The following FABP7 variants were observed in gnomAD, a reference collection of about 807,000 sequenced individuals.
FABP7 encodes the protein fatty acid binding protein 7.
In FABP7, 13 loss-of-function variants were observed where a neutral mutation model predicts 14.2. The observed-to-expected ratio is 0.91, with a 90% CI of 0.59 to 1.45. FABP7 has a LOEUF of 1.45. Ranked by LOEUF, FABP7 falls within the 40% of genes most tolerant of loss-of-function variation. The pLI is 0.00. For synonymous variants in FABP7, 49 were observed against 51.4 expected (o/e 0.95, Z 0.20); for missense variants, 149 against 157.6 (o/e 0.95, Z 0.29).
chr6:122,767,682 G>A, the FABP7 span, among the ~76,000 whole-genome samples: 13 of 151,298 alleles, frequency 8.6e-5, no homozygotes, highest in African/African-American at 3.2e-4. Context: ...AGACAGAGGT[G>A]GGGGGATAGC....
the FABP7 span, among the ~76,000 whole-genome samples, chr6:122,761,010 A>C: frequency 6.6e-6 from 1 of 152,172 alleles, no homozygotes; most frequent in Non-Finnish European, 1.5e-5. Flanking sequence ...AGCTTTATTT[A>C]TCTGTGAACT....
At chr6:122,782,989 G>A (rs1780832031) in intron 3 of FABP7, 1 of 985,362 alleles carries the variant, frequency 1.0e-6, no homozygotes, top group Admixed American at 6.1e-5. Context: ...GCATGACTAT[G>A]ATCAGGCAAG....
chr6:122,769,500 A>G, the FABP7 span, among the ~76,000 whole-genome samples: 12 of 152,276 alleles, frequency 7.9e-5, no homozygotes, highest in East Asian at 3.9e-4. Context: ...CTTGCCTTCA[A>G]TGATTAGCAC....
chr6:122,760,633 C>T, the FABP7 span, among the ~76,000 whole-genome samples: 2 of 151,398 alleles, frequency 1.3e-5, no homozygotes, highest in East Asian at 3.9e-4. Context: ...AGCTATACTT[C>T]TTTTCACTTG....
the FABP7 span, among the ~76,000 whole-genome samples, chr6:122,768,834 T>G: frequency 6.6e-6 from 1 of 152,068 alleles, no homozygotes; most frequent in Non-Finnish European, 1.5e-5. Context: ...GATTAACAGG[T>G]GTCAAAGAAA....
chr6:122,771,097 C>A, the FABP7 span, among the ~76,000 whole-genome samples: 2 of 152,310 alleles, frequency 1.3e-5, no homozygotes, highest in South Asian at 2.1e-4. Context: ...GCAAAGCTCT[C>A]ATTTCTAGGC....
the FABP7 span, among the ~76,000 whole-genome samples, chr6:122,771,913 A>C: frequency 6.6e-6 from 1 of 152,240 alleles, no homozygotes; most frequent in African/African-American, 2.4e-5. Flanking sequence ...TTTGTGGAGC[A>C]CATATCAAGT....
At chr6:122,756,610 C>G in the FABP7 span, among the ~76,000 whole-genome samples, 1 of 152,142 alleles carries the variant, frequency 6.6e-6, no homozygotes, top group Admixed American at 6.5e-5. Flanking sequence ...AACTACTGCC[C>G]CAATTTCTGA....
At chr6:122,761,715 AAT>A in the FABP7 span, among the ~76,000 whole-genome samples, 1 of 152,196 alleles carries the variant, frequency 6.6e-6, no homozygotes, top group African/African-American at 2.4e-5. Context: ...GTAGAAAATA[AAT>A]ATGTTACCCA....
rs774131621 is a variant in FABP7, at chr6:122,780,380, C to G, written c.163C>G (p.Leu55Val). Residue 55 changes from leucine (L) to valine (V), a missense_variant, in exon 2 of 4, where the codon CTC (leucine) becomes GTC (valine). By Grantham distance (32) the Leu-to-Val change is conservative. Coordinates refer to ENST00000368444, the MANE Select transcript of FABP7 (RefSeq NM_001446.5). ...AGGAGACAAAGTGGTCATCAGGACT[C>G]TCAGCACATTCAAGAACACGGAGAT... is the stretch of plus-strand genomic sequence containing the variant. The part of the protein sequence containing the change: ...QEGDKVVIRT[L>V]STFKNTEISF... 15 of 1,613,974 alleles carry G rather than the reference C, an allele frequency of 9.3e-6. No individual in the cohort carries two copies. In the Admixed American group the frequency reaches 2.5e-4, roughly 27 times the overall value.
upstream of FABP7, among the ~76,000 whole-genome samples, chr6:122,775,833 AAAC>A (rs1780664284): frequency 8.4e-6 from 1 of 119,498 alleles, no homozygotes; most frequent in South Asian, 4.6e-4. Context: ...AGCAAAAAAC[AAAC>A]AAACAAACAA....
At chr6:122,767,755 G>GA in the FABP7 span, among the ~76,000 whole-genome samples, 86 of 116,318 alleles carry the variant, frequency 7.4e-4, no homozygotes, top group Admixed American at 2.5e-3. Context: ...CCACTAAAAG[G>GA]AAAAAAAAAA....
At chr6:122,769,027 G>A in the FABP7 span, among the ~76,000 whole-genome samples, 48 of 152,198 alleles carry the variant, frequency 3.2e-4, no homozygotes, top group South Asian at 1.0e-3. Context: ...CTGTCTGGTG[G>A]TTTCTCTGTG....
At chr6:122,767,499 C>A in the FABP7 span, among the ~76,000 whole-genome samples, 2 of 151,960 alleles carry the variant, frequency 1.3e-5, no homozygotes, top group Non-Finnish European at 2.9e-5. Context: ...GTGAAATGTT[C>A]AATAAGTGGA....
chr6:122,767,787 A>G, the FABP7 span, among the ~76,000 whole-genome samples: 1 of 150,078 alleles, frequency 6.7e-6, no homozygotes, highest in Admixed American at 6.6e-5. Context: ...GAGAGAGAGA[A>G]AAAAAGGGCT....
intron 3 of FABP7, chr6:122,781,594 T>C: frequency 8.5e-7 from 1 of 1,174,494 alleles, no homozygotes; most frequent in East Asian, 3.5e-5. Context: ...GACAGATGAC[T>C]TTATAGCTCC....
chr6:122,767,568 T>C, the FABP7 span, among the ~76,000 whole-genome samples: 1 of 152,014 alleles, frequency 6.6e-6, no homozygotes, highest in Admixed American at 6.6e-5. Context: ...CTTCTTATGA[T>C]ATACAAAAAT....
upstream of FABP7, among the ~76,000 whole-genome samples, chr6:122,777,805 T>C (rs554699507): frequency 2.0e-5 from 3 of 149,584 alleles, no homozygotes; most frequent in African/African-American, 7.3e-5. Context: ...ATCGCGCCAC[T>C]GCACTCCAGC....
the FABP7 span, among the ~76,000 whole-genome samples, chr6:122,762,114 T>A: frequency 1.3e-5 from 2 of 152,192 alleles, no homozygotes; most frequent in East Asian, 3.9e-4. Context: ...CCAATATCCC[T>A]GATGAACACT....
Sources: allele counts gnomAD v4.1 joint callset (sites outside exome capture counted in the v4.1 genomes callset), GRCh38; gene constraint gnomAD v4.1.1; transcripts MANE v1.5; gene names NCBI Gene and HGNC (gene_info 2026-07-23, HGNC 2026-07-21).